The following SYT14 variants were observed in gnomAD, a reference collection of about 807,000 sequenced individuals.
The protein encoded by SYT14 is synaptotagmin-14.
In SYT14, 32 loss-of-function variants were observed where a neutral mutation model predicts 74.2. That is an observed-to-expected ratio of 0.43 (90% CI 0.33 to 0.58). The LOEUF (loss-of-function observed/expected upper bound fraction) is 0.58, where lower values mean the gene tolerates loss of function less well. Among genes scored for constraint, SYT14 ranks in the 20% least tolerant of loss-of-function variants. The pLI is 0.05. For missense variants in SYT14, 791 were observed against 981.8 expected (o/e 0.81, Z 2.60); for synonymous variants, 298 against 337.7 (o/e 0.88, Z 1.29).
chr1:210,078,166 C>A (rs77572506), intron 5 of SYT14, among the ~76,000 whole-genome samples: 1 of 151,524 alleles, frequency 6.6e-6, no homozygotes, highest in Admixed American at 6.6e-5. Flanking sequence ...AAAAATTAGC[C>A]GGGCGTGGTA....
intron 5 of SYT14, among the ~76,000 whole-genome samples, chr1:210,076,866 C>G (rs2081510655): frequency 6.6e-6 from 1 of 152,188 alleles, no homozygotes; most frequent in East Asian, 1.9e-4. Flanking sequence ...ACTCAATCAC[C>G]TCCCACCAGG....
At chr1:210,047,965 CTT>C (rs2080917527) in intron 5 of SYT14, among the ~76,000 whole-genome samples, 1 of 152,114 alleles carries the variant, frequency 6.6e-6, no homozygotes, top group Admixed American at 6.6e-5. Flanking sequence ...GTGCTACTAA[CTT>C]TGCTTGTTTA....
intron 2 of SYT14, among the ~76,000 whole-genome samples, chr1:210,000,829 G>T (rs1340632799): frequency 6.6e-6 from 1 of 151,820 alleles, no homozygotes; most frequent in African/African-American, 2.4e-5. Context: ...TGGCCAGGCT[G>T]GTCTTGATCT....
chr1:210,068,968 A>G (rs2081344865), intron 5 of SYT14, among the ~76,000 whole-genome samples: 1 of 151,800 alleles, frequency 6.6e-6, no homozygotes. Flanking sequence ...ACACATTTTA[A>G]TATGCAATAT....
chr1:210,070,262 T>TCTAA (rs1286009649), intron 5 of SYT14, among the ~76,000 whole-genome samples: 2 of 152,070 alleles, frequency 1.3e-5, no homozygotes, highest in Non-Finnish European at 2.9e-5. Context: ...AAGGTAAAAC[T>TCTAA]CTGTTAGAGT....
chr1:209,978,797 C>G (rs1658853863), intron 2 of SYT14, among the ~76,000 whole-genome samples: 1 of 152,220 alleles, frequency 6.6e-6, no homozygotes, highest in African/African-American at 2.4e-5. Flanking sequence ...TTCCCTGCCC[C>G]CAGAGGTGGA....
intron 2 of SYT14, among the ~76,000 whole-genome samples, chr1:210,000,481 C>CACAA (rs1320866709): frequency 2.0e-5 from 3 of 151,140 alleles, no homozygotes; most frequent in Admixed American, 2.0e-4. Context: ...CACACACACA[C>CACAA]ACACACACAC....
rs369194103 is a variant in SYT14, at chr1:210,108,654, AGAG to A, written c.2034+8194_2034+8196del. On this transcript the variant is annotated intron_variant, in intron 7 of 9. Transcript: ENST00000637265. Reference sequence around the variant, plus strand: ...AAAAAAAAAAAGGACAAATAACTGAAGAGAGCCATTAATCAATGTGTTTGGGAT... The same window carrying A: ...AAAAAAAAAAAGGACAAATAACTGAAAGCCATTAATCAATGTGTTTGGGAT... Among the ~76,000 whole-genome samples the A allele has an allele frequency of 5.4e-3, 827 of 152,242 alleles. 6 individuals carry two copies. Among genetic ancestry groups the A allele is most frequent in the African/African-American group, 0.019 (791 of 41,546 alleles).
chr1:209,988,812 C>T (rs1558113475), intron 2 of SYT14, among the ~76,000 whole-genome samples: 1 of 152,172 alleles, frequency 6.6e-6, no homozygotes, highest in Non-Finnish European at 1.5e-5. Flanking sequence ...TTCCCAGCCT[C>T]TGATTGTTTC....
intron 5 of SYT14, among the ~76,000 whole-genome samples, chr1:210,080,905 G>T (rs2081604461): frequency 6.6e-6 from 1 of 152,154 alleles, no homozygotes; most frequent in Admixed American, 6.5e-5. Flanking sequence ...AAGGATAGGA[G>T]AGAGTGAATC....
intron 3 of SYT14, among the ~76,000 whole-genome samples, chr1:210,015,219 C>T (rs1478416913): frequency 6.6e-6 from 1 of 152,132 alleles, no homozygotes; most frequent in Non-Finnish European, 1.5e-5. Flanking sequence ...TCTGCCTCTA[C>T]ATTCAATCTG....
At chr1:210,027,064 A>C (rs2080428998) in intron 5 of SYT14, among the ~76,000 whole-genome samples, 1 of 152,178 alleles carries the variant, frequency 6.6e-6, no homozygotes, top group African/African-American at 2.4e-5. Context: ...CAGAAACTTA[A>C]CTACTGATAG....
At chr1:210,150,754 A>G (rs1221412305) in intron 7 of SYT14, among the ~76,000 whole-genome samples, 1 of 152,260 alleles carries the variant, frequency 6.6e-6, no homozygotes, top group Non-Finnish European at 1.5e-5. Context: ...ATTCAATTAT[A>G]GTAATTATCA....
At chr1:209,938,530 G>A (rs919388261) in intron 1 of SYT14, among the ~76,000 whole-genome samples, 2 of 152,018 alleles carry the variant, frequency 1.3e-5, no homozygotes, top group South Asian at 2.1e-4. Flanking sequence ...CGCACGCGGG[G>A]CAAAGCGGGC....
At chr1:210,009,940 T>G (rs2102908431) in intron 2 of SYT14, among the ~76,000 whole-genome samples, 1 of 152,256 alleles carries the variant, frequency 6.6e-6, no homozygotes, top group South Asian at 2.1e-4. Flanking sequence ...TTTCTTATCC[T>G]CAACTCTTCT....
intron 5 of SYT14, among the ~76,000 whole-genome samples, chr1:210,086,718 G>C (rs984451509): frequency 6.6e-6 from 1 of 152,160 alleles, no homozygotes; most frequent in Non-Finnish European, 1.5e-5. Context: ...AGTGAGCAAA[G>C]CTAGAATATT....
At chr1:209,970,837 G>A (rs751643133) in intron 2 of SYT14, among the ~76,000 whole-genome samples, 5 of 151,468 alleles carry the variant, frequency 3.3e-5, no homozygotes, top group African/African-American at 7.3e-5. Flanking sequence ...GTGCCACCAC[G>A]CCCAACTAGT....
rs573424862 is a variant in SYT14, at chr1:209,988,154, T to G, written c.-485-25479T>G. ...TATTTGCATTTTTTTAGTCTTTCTGTTGTGTTTATGCTTTCTGTTGATATG... is the reference window on the plus strand; with the variant it reads ...TATTTGCATTTTTTTAGTCTTTCTGGTGTGTTTATGCTTTCTGTTGATATG... On this transcript the variant is annotated intron_variant, in intron 2 of 9. Transcript: ENST00000637265. Among the ~76,000 whole-genome samples the G allele has an allele frequency of 7.2e-5, 11 of 152,302 alleles. No individual in the cohort carries two copies. The East Asian group carries it at 1.9e-3, about 27-fold the overall frequency.
chr1:210,025,110 C>A (rs1193729669), intron 5 of SYT14, among the ~76,000 whole-genome samples: 1 of 152,056 alleles, frequency 6.6e-6, no homozygotes, highest in Non-Finnish European at 1.5e-5. Context: ...TGTTTGTAAC[C>A]CAACTGTTCA....
Sources: gnomAD v4.1 joint callset for allele counts (sites outside exome capture counted in the v4.1 genomes callset) on GRCh38, gnomAD v4.1.1 for gene constraint, MANE v1.5 for transcripts, NCBI Gene and HGNC (gene_info 2026-07-23, HGNC 2026-07-21) for gene names.